Variants in BCL2L1 observed in about 807,000 individuals in gnomAD.
BCL2L1 encodes the protein bcl-2-like protein 1.
A neutral mutation model predicts 18.7 loss-of-function variants in BCL2L1; 1 was observed. The observed-to-expected ratio is 0.05, with a 90% CI of 0.02 to 0.25. BCL2L1 has a LOEUF of 0.25. Among genes scored for constraint, BCL2L1 ranks in the 10% least tolerant of loss-of-function variants. The pLI, the probability that BCL2L1 is intolerant of heterozygous loss-of-function variation, is 1.00. For missense variants in BCL2L1, 207 were observed against 304.9 expected, an observed-to-expected ratio of 0.68 and a Z score of 2.39; for synonymous variants, 103 against 122.7, an observed-to-expected ratio of 0.84 and a Z score of 1.06.
intron 2 of BCL2L1, chr20:31,720,751 T>C (rs2061610383): frequency 2.0e-6 from 2 of 985,312 alleles, no homozygotes; most frequent in Admixed American, 6.1e-5. Flanking sequence ...GCTAGTTACA[T>C]GACAGAACTG....
At chr20:31,713,585 C>T (rs1434030631) in intron 2 of BCL2L1, 1 of 985,242 alleles carries the variant, frequency 1.0e-6, no homozygotes, top group Non-Finnish European at 1.2e-6. Context: ...CTGTAAGGCT[C>T]AAGCTTGGCC....
chr20:31,690,191 C>T (rs1447480970), intron 2 of BCL2L1, among the ~76,000 whole-genome samples: 1 of 151,986 alleles, frequency 6.6e-6, no homozygotes, highest in Admixed American at 6.6e-5. Context: ...TGAAGAGATT[C>T]TCCTATTTTA....
chr20:31,699,762 T>A (rs571906752), intron 2 of BCL2L1, among the ~76,000 whole-genome samples: 2 of 152,336 alleles, frequency 1.3e-5, no homozygotes, highest in South Asian at 2.1e-4. Flanking sequence ...TTAGTTTCTT[T>A]ACTGGAAAAG....
At chr20:31,691,374 T>C (rs896009157) in intron 2 of BCL2L1, among the ~76,000 whole-genome samples, 2 of 148,988 alleles carry the variant, frequency 1.3e-5, no homozygotes, top group African/African-American at 4.9e-5. Flanking sequence ...ATTAGCTGGG[T>C]GTGGTAGTGC....
intron 2 of BCL2L1, among the ~76,000 whole-genome samples, chr20:31,670,139 G>A (rs2060645054): frequency 6.6e-6 from 1 of 152,202 alleles, no homozygotes. Context: ...CAGGGTTGAG[G>A]TGGAGGATCT....
Position 31,713,229 on chromosome 20 carries a change from AG to A in BCL2L1, c.564+8425del, listed in dbSNP as rs1021063145. On this transcript the variant is annotated intron_variant, in intron 2 of 2. Transcript: ENST00000307677. ...ACTGACCTCCCTCACAGCCTAGCCT[AG>A]GGTAGGGGGTAATGGCCTGGCAGAA... 34 of 965,948 alleles carry A rather than the reference AG, an allele frequency of 3.5e-5. No individual in the cohort carries two copies. In the African/African-American group the frequency reaches 4.6e-4, roughly 13 times the overall value. 59.8% of individuals were successfully genotyped at this position (965,948 alleles called of 1,614,324 possible).
chr20:31,703,514 A>AAGAG (rs2061318445), intron 2 of BCL2L1, among the ~76,000 whole-genome samples: 1 of 146,840 alleles, frequency 6.8e-6, no homozygotes, highest in Non-Finnish European at 1.5e-5. Context: ...TTTTTGAGAC[A>AAGAG]AGAGTCTCAC....
At chr20:31,671,781 G>A (rs2060672092) in intron 2 of BCL2L1, among the ~76,000 whole-genome samples, 1 of 151,422 alleles carries the variant, frequency 6.6e-6, no homozygotes, top group South Asian at 2.1e-4. Context: ...GAGATATAGA[G>A]TATATAGTAT....
intron 2 of BCL2L1, among the ~76,000 whole-genome samples, chr20:31,667,484 CGTGTGTGTGTGT>C (rs3073682): frequency 2.2e-5 from 3 of 135,334 alleles, no homozygotes; most frequent in East Asian, 4.1e-4. Context: ...ACCATAGTAC[CGTGTGTGTGTGT>C]GTGTGTGTGT....
chr20:31,706,407 T>G (rs2061368938), intron 2 of BCL2L1, among the ~76,000 whole-genome samples: 1 of 151,502 alleles, frequency 6.6e-6, no homozygotes, highest in East Asian at 1.9e-4. Flanking sequence ...TTGCTGAGCT[T>G]TTACTCTGCA....
chr20:31,692,892 C>CA (rs1340254011), intron 2 of BCL2L1, among the ~76,000 whole-genome samples: 4 of 150,620 alleles, frequency 2.7e-5, no homozygotes, highest in Admixed American at 1.3e-4. Flanking sequence ...GCCTGGGCGA[C>CA]AGAGTGAGAC....
At chr20:31,688,467 A>C (rs1338375627) in intron 2 of BCL2L1, among the ~76,000 whole-genome samples, 3 of 151,648 alleles carry the variant, frequency 2.0e-5, no homozygotes, top group African/African-American at 7.3e-5. Flanking sequence ...AAAAGAAAGA[A>C]AAGAAAAAGA....
At chr20:31,723,338 G>A, upstream of BCL2L1, 1 of 985,514 alleles carries the variant, frequency 1.0e-6, no homozygotes, top group Non-Finnish European at 1.2e-6. Context: ...TGAGGCGCTG[G>A]GCCTCTCCTC....
At chr20:31,685,399 CAAAA>C (rs113218713) in intron 2 of BCL2L1, among the ~76,000 whole-genome samples, 1 of 132,986 alleles carries the variant, frequency 7.5e-6, no homozygotes, top group East Asian at 2.3e-4. Context: ...GACTCCATCT[CAAAA>C]AAAAAAAAAG....
At chr20:31,689,363 G>A (rs1388519648) in intron 2 of BCL2L1, among the ~76,000 whole-genome samples, 1 of 143,262 alleles carries the variant, frequency 7.0e-6, no homozygotes, top group Non-Finnish European at 1.5e-5. Context: ...GGCTGAGGCG[G>A]GTGGATTGCT....
chr20:31,723,482 C>T (rs1191743585), upstream of BCL2L1: 5 of 985,278 alleles, frequency 5.1e-6, no homozygotes, highest in Non-Finnish European at 4.8e-6. Flanking sequence ...TCTCCGGAGC[C>T]CAGGGTGGGC....
At chr20:31,691,831 G>A (rs990955297) in intron 2 of BCL2L1, among the ~76,000 whole-genome samples, 3 of 152,154 alleles carry the variant, frequency 2.0e-5, no homozygotes, top group Non-Finnish European at 2.9e-5. Context: ...TCTGAGAAAT[G>A]CAAATTAAAA....
In BCL2L1 at chr20:31,675,636, T is replaced by A. The variant is rs114764522; in HGVS notation, c.565-9550A>T. On this transcript the variant is annotated intron_variant, in intron 2 of 2. Transcript: ENST00000307677. ...AACATAGGCCTGGAGGTGGGCAACT[T>A]GGAGAAGCAGCTCAGTGGAGGCAGG... Among the ~76,000 whole-genome samples, 714 of 152,080 alleles carry A rather than the reference T, an allele frequency of 4.7e-3. 10 individuals carry two copies. Among genetic ancestry groups the A allele is most frequent in the African/African-American group, 0.016 (662 of 41,482 alleles).
intron 2 of BCL2L1, among the ~76,000 whole-genome samples, chr20:31,666,368 C>T (rs1441178037): frequency 1.3e-5 from 2 of 151,954 alleles, no homozygotes; most frequent in African/African-American, 2.4e-5. Context: ...AAGGTGGGAA[C>T]GAGATGGGCA....
Sources: gnomAD v4.1 joint callset for allele counts (sites outside exome capture counted in the v4.1 genomes callset) on GRCh38, gnomAD v4.1.1 for gene constraint, MANE v1.5 for transcripts, NCBI Gene and HGNC (gene_info 2026-07-23, HGNC 2026-07-21) for gene names.